Variants in ZSCAN2 observed in about 807,000 individuals in gnomAD.
The protein encoded by ZSCAN2 is zinc finger and SCAN domain-containing protein 2.
Under a neutral mutation model 47.8 loss-of-function variants are expected in ZSCAN2, and 26 were observed. That is an observed-to-expected ratio of 0.54 (90% CI 0.40 to 0.75). The LOEUF (loss-of-function observed/expected upper bound fraction) is 0.75. Among genes scored for constraint, ZSCAN2 ranks in the 30% least tolerant of loss-of-function variants. ZSCAN2 has a pLI of 0.00. For synonymous variants in ZSCAN2, 305 were observed against 288.7 expected, an observed-to-expected ratio of 1.06 and a Z score of -0.57; for missense variants, 732 against 785.4, an observed-to-expected ratio of 0.93 and a Z score of 0.81.
chr15:84,604,004 A>G lies in ZSCAN2; in HGVS notation c.77A>G (p.Gln26Arg), dbSNP rs140727399. Reference protein sequence around the residue: ...LVQVPQEEDRQEEEVTTMILE... With the variant: ...LVQVPQEEDRREEEVTTMILE... ...CAGGTGCCTCAAGAGGAAGATAGAC[A>G]GGAGGAGGAGGTCACCACCATGATC... Residue 26 changes from glutamine to arginine, a missense_variant, in exon 2 of 3, where the codon CAG becomes CGG. By Grantham distance (43) the Gln-to-Arg change is conservative. This residue lies in a region of ZSCAN2 where 320 missense variants were observed against 287.4 expected (regional missense o/e 1.11). Transcript: ENST00000546148. 4 of 1,613,896 alleles carry G rather than the reference A, an allele frequency of 2.5e-6. No individual in the cohort carries two copies. Among genetic ancestry groups the G allele is most frequent in the Non-Finnish European group, 3.4e-6 (4 of 1,180,018 alleles).
At chr15:84,609,968 G>T (rs780946600) in intron 2 of ZSCAN2, among the ~76,000 whole-genome samples, 34 of 152,210 alleles carry the variant, frequency 2.2e-4, no homozygotes, top group Non-Finnish European at 1.8e-4. Context: ...AGAGAAAGAG[G>T]AGGCCTGTGG....
intron 2 of ZSCAN2, among the ~76,000 whole-genome samples, chr15:84,610,160 C>G (rs1486458142): frequency 2.6e-5 from 4 of 152,112 alleles, no homozygotes; most frequent in African/African-American, 7.2e-5. Context: ...AGGGACTGTT[C>G]CAGTGAATGA....
chr15:84,609,513 A>T (rs996711733), intron 2 of ZSCAN2, among the ~76,000 whole-genome samples: 103 of 152,208 alleles, frequency 6.8e-4, no homozygotes, highest in African/African-American at 2.3e-3. Context: ...ATTTACTCAA[A>T]TGTTTGAAAA....
At chr15:84,603,042 C>T (rs1012196493) in intron 1 of ZSCAN2, among the ~76,000 whole-genome samples, 8 of 152,122 alleles carry the variant, frequency 5.3e-5, no homozygotes, top group Non-Finnish European at 1.2e-4. Flanking sequence ...ATGTTTTAAA[C>T]TTCATACTTA....
At chr15:84,607,232 G>A (rs182462485) in intron 2 of ZSCAN2, among the ~76,000 whole-genome samples, 13 of 152,198 alleles carry the variant, frequency 8.5e-5, no homozygotes, top group Admixed American at 8.5e-4. Context: ...AATTCTTGGA[G>A]CAGCTGCCAA....
At chr15:84,607,359 A>G (rs751702719) in intron 2 of ZSCAN2, among the ~76,000 whole-genome samples, 1 of 151,858 alleles carries the variant, frequency 6.6e-6, no homozygotes, top group Non-Finnish European at 1.5e-5. Flanking sequence ...CAAATCAAGC[A>G]TGACCTCCTT....
chr15:84,609,327 T>C (rs958754783), intron 2 of ZSCAN2, among the ~76,000 whole-genome samples: 2 of 151,790 alleles, frequency 1.3e-5, no homozygotes, highest in Non-Finnish European at 1.5e-5. Context: ...TCATATGATA[T>C]ATATATGAGA....
Position 84,620,885 on chromosome 15 carries a change from C to T in ZSCAN2, c.690C>T (p.Thr230=). The T allele has an allele frequency of 1.2e-6, 2 of 1,614,210 alleles. No homozygotes were observed. The highest frequency in any genetic ancestry group is 1.7e-6 in the Non-Finnish European group (2 of 1,180,038). Reference sequence around the variant, plus strand: ...ACGAATGTCCCCAGTGTGGGAAGACCTTCAGCCGGAAATCCCACCTCATCA... The same window carrying T: ...ACGAATGTCCCCAGTGTGGGAAGACTTTCAGCCGGAAATCCCACCTCATCA... ...KPYECPQCGK[T]FSRKSHLITH... The change falls in exon 3 of 3, where the codon ACC becomes ACT. Residue 230 remains threonine (T), a synonymous_variant. Coordinates refer to ENST00000546148, the MANE Select transcript of ZSCAN2 (RefSeq NM_181877.4).
At chr15:84,603,791 G>A (rs1895284919) in intron 1 of ZSCAN2, 29 bp from the exon 2 acceptor site, 5 of 1,064,268 alleles carry the variant, frequency 4.7e-6, no homozygotes, top group Non-Finnish European at 6.7e-6. Flanking sequence ...GTCTACCTAT[G>A]GATTATGGTT....
intron 2 of ZSCAN2, among the ~76,000 whole-genome samples, chr15:84,612,876 C>T (rs898993907): frequency 6.6e-6 from 1 of 152,114 alleles, no homozygotes; most frequent in African/African-American, 2.4e-5. Context: ...AAGAAGATAG[C>T]CCCATAAATT....
rs142869560 is a variant in ZSCAN2 at position 84,604,292 on chromosome 15, C to T, written c.365C>T (p.Ala122Val). 37 of 1,613,410 alleles carry T rather than the reference C, an allele frequency of 2.3e-5. No individual in the cohort carries two copies. The highest frequency in any genetic ancestry group is 1.1e-4 in the East Asian group (5 of 44,882). ...CGGCCTGAAAGCAGTGAGGAGGCAG[C>T]GGCCCTGGTGGAAGACTTGACCCAG... Reference protein sequence around the residue: ...EHRPESSEEAAALVEDLTQTL... With the variant: ...EHRPESSEEAVALVEDLTQTL... Residue 122 changes from alanine (A) to valine (V), a missense_variant, in exon 2 of 3, where the codon GCG becomes GTG. Coordinates refer to ENST00000546148, the MANE Select transcript of ZSCAN2 (RefSeq NM_181877.4).
chr15:84,614,109 G>C (rs1192576813), intron 2 of ZSCAN2, among the ~76,000 whole-genome samples: 3 of 146,914 alleles, frequency 2.0e-5, no homozygotes, highest in African/African-American at 7.6e-5. Flanking sequence ...TCCCACCTCA[G>C]GTTCCTGAGT....
chr15:84,606,941 A>G (rs1220902111), intron 2 of ZSCAN2: 1 of 936,356 alleles, frequency 1.1e-6, no homozygotes, highest in Non-Finnish European at 1.3e-6. Context: ...TTTACTCGAC[A>G]TAAGGCCGCG....
rs552402796 is a variant in ZSCAN2 at position 84,621,962 on chromosome 15, C to T, written c.1767C>T (p.Pro589=). Residue 589 remains proline, a synonymous_variant, in exon 3 of 3, where the codon CCC becomes CCT. Coordinates refer to ENST00000546148, the MANE Select transcript of ZSCAN2 (RefSeq NM_181877.4). This position sits in a 1 kb window ranked among gnomAD's most constrained non-coding sequence, Gnocchi z 5.7. ...IHTGEKPYKC[P]ECGKGFSNSS... Reference sequence around the variant, plus strand: ...CTGGGGAGAAGCCCTACAAATGCCCCGAGTGTGGCAAAGGCTTCAGCAACA... The same window carrying T: ...CTGGGGAGAAGCCCTACAAATGCCCTGAGTGTGGCAAAGGCTTCAGCAACA... 2.5e-5 allele frequency: 41 copies of T among 1,614,130 alleles called. 1 individual carries two copies. The South Asian group carries it at 3.5e-4, about 14-fold the overall frequency.
intron 2 of ZSCAN2, chr15:84,616,403 C>A: frequency 6.3e-7 from 1 of 1,598,028 alleles, no homozygotes; most frequent in Non-Finnish European, 8.5e-7. Flanking sequence ...CCCTGCTTAC[C>A]CCAGTTCCCA....
At chr15:84,612,357 G>A (rs1225918565) in intron 2 of ZSCAN2, among the ~76,000 whole-genome samples, 1 of 152,210 alleles carries the variant, frequency 6.6e-6, no homozygotes, top group East Asian at 1.9e-4. Context: ...GCAGTACAGT[G>A]AAGGGGTTAT....
In ZSCAN2 at chr15:84,620,923, C is replaced by T. The variant is rs373531511; in HGVS notation, c.728C>T (p.Thr243Ile). 2.1e-4 allele frequency: 347 copies of T among 1,614,098 alleles called. No individual in the cohort carries two copies. The highest frequency in any genetic ancestry group is 2.7e-4 in the Non-Finnish European group (323 of 1,180,024). The change falls in exon 3 of 3, where the codon ACC becomes ATC. Residue 243 changes from threonine (T) to isoleucine (I), a missense_variant. By Grantham distance (89) the Thr-to-Ile change is moderately conservative. Transcript: ENST00000546148. The stretch of plus-strand genomic sequence containing the variant: ...TCCCACCTCATCACACACGAGAGGA[C>T]CCACACAGGAGAGAAATACTACAAA... ...RKSHLITHERTHTGEKYYKCD... is the reference protein window; with the variant it reads ...RKSHLITHERIHTGEKYYKCD...
intron 2 of ZSCAN2, among the ~76,000 whole-genome samples, chr15:84,605,546 G>A (rs1895355500): frequency 6.6e-6 from 1 of 152,208 alleles, no homozygotes; most frequent in African/African-American, 2.4e-5. Context: ...CTGGCAGATT[G>A]GAGTGGCAAG....
rs200001616 is a variant in ZSCAN2, at chr15:84,622,074, G to C, written c.*34G>C. ...AGAGTGAAAGTGAGGGACTGGCCTG[G>C]AGTGGGAGTTGCCACACTGCCCCAA... On this transcript the variant is annotated 3_prime_UTR_variant, in exon 3 of 3. Transcript: ENST00000546148. 6.5e-7 allele frequency: 1 copy of C among 1,535,824 alleles called. No homozygotes were observed. Among genetic ancestry groups the C allele is most frequent in the Non-Finnish European group, 8.8e-7 (1 of 1,133,564 alleles).
Sources: gnomAD v4.1 joint callset for allele counts (sites outside exome capture counted in the v4.1 genomes callset) on GRCh38, gnomAD v4.1.1 for gene constraint, gnomAD v4.1.1 regional missense constraint, Gnocchi (gnomAD v3.1) non-coding constraint, MANE v1.5 for transcripts, NCBI Gene and HGNC (gene_info 2026-07-23, HGNC 2026-07-21) for gene names.